ABTB2: variants seen among roughly 807,000 people sequenced by gnomAD.
The protein encoded by ABTB2 is ankyrin repeat and BTB/POZ domain-containing protein 2.
ABTB2 carries 56 observed loss-of-function variants against 104.1 expected under a neutral mutation model. That is an observed-to-expected ratio of 0.54 (90% CI 0.43 to 0.67). The LOEUF (loss-of-function observed/expected upper bound fraction) is 0.67, where lower values mean the gene tolerates loss of function less well. Among genes scored for constraint, ABTB2 ranks in the 30% least tolerant of loss-of-function variants. ABTB2 has a pLI of 0.00. For synonymous variants in ABTB2, 606 were observed against 608.2 expected, an observed-to-expected ratio of 1.00 and a Z score of 0.05; for missense variants, 1,279 against 1,407.7, an observed-to-expected ratio of 0.91 and a Z score of 1.46.
At chr11:34,346,380 C>T (rs1855332422) in intron 1 of ABTB2, among the ~76,000 whole-genome samples, 2 of 152,160 alleles carry the variant, frequency 1.3e-5, no homozygotes, top group Non-Finnish European at 2.9e-5. Context: ...CACCACAGTG[C>T]CGGCCTGCCA....
At chr11:34,173,368 A>C (rs946503104) in intron 3 of ABTB2, 61 bp from the exon 4 acceptor site, 1 of 1,503,634 alleles carries the variant, frequency 6.7e-7, no homozygotes, top group African/African-American at 1.4e-5. Context: ...CAGCAGAGAG[A>C]GGGTCAGGCC....
Position 34,154,891 on chromosome 11 carries a change from G to A in ABTB2, c.2698-122C>T, listed in dbSNP as rs1025489324. 7 of 892,670 alleles carry A rather than the reference G, an allele frequency of 7.8e-6. No homozygotes were observed. In the African/African-American group the frequency reaches 1.2e-4, roughly 15 times the overall value. 55.3% of individuals were successfully genotyped at this position (892,670 alleles called of 1,614,324 possible). ...GGGCCTGTCCCTCTGCAGGTCCCCA[G>A]CTCTGTCTCTCCCTCCCTCTCCTGC... On this transcript the variant is annotated intron_variant, in intron 14 of 16. Transcript: ENST00000435224. This position sits in a 1 kb window ranked among gnomAD's most constrained non-coding sequence, Gnocchi z 4.9.
In ABTB2 at chr11:34,170,919, G is replaced by T; in HGVS notation, c.1550C>A (p.Thr517Asn). 1 of 1,614,092 alleles carries T rather than the reference G, an allele frequency of 6.2e-7. No individual in the cohort carries two copies. Among genetic ancestry groups the T allele is most frequent in the Non-Finnish European group, 8.5e-7 (1 of 1,179,998 alleles). ...IEALGPDGVN[T>N]MDDQGMTPLM... ...CTCAGGACGTACCTGGTCATCCATGGTGTTAACCCCATCCGGACCCAAGGC... is the reference window on the plus strand; with the variant it reads ...CTCAGGACGTACCTGGTCATCCATGTTGTTAACCCCATCCGGACCCAAGGC... Residue 517 changes from threonine (T) to asparagine (N), a missense_variant, in exon 5 of 17, where the codon ACC (threonine) becomes AAC (asparagine). Coordinates refer to ENST00000435224, the MANE Select transcript of ABTB2 (RefSeq NM_145804.3).
At chr11:34,316,825 G>A (rs1394596883) in intron 1 of ABTB2, among the ~76,000 whole-genome samples, 1 of 152,220 alleles carries the variant, frequency 6.6e-6, no homozygotes, top group African/African-American at 2.4e-5. Context: ...CAAAGGACCT[G>A]TGTGTGACCA....
At chr11:34,220,641 C>T (rs1853609137) in intron 1 of ABTB2, among the ~76,000 whole-genome samples, 1 of 152,180 alleles carries the variant, frequency 6.6e-6, no homozygotes, top group South Asian at 2.1e-4. Context: ...GCAGAAAGAG[C>T]CTGGCTCTCT....
In ABTB2 at chr11:34,293,566, C is replaced by T. The variant is rs113467325; in HGVS notation, c.883+63135G>A. Among the ~76,000 whole-genome samples the T allele has an allele frequency of 6.3e-3, 961 of 152,216 alleles. 11 individuals are homozygous for T. The highest frequency in any genetic ancestry group is 0.022 in the African/African-American group (929 of 41,522). On this transcript the variant is annotated intron_variant, in intron 1 of 16. Transcript: ENST00000435224. ...AGAATCAAGGGTGTCATGCCCCAGG[C>T]GCCAAGTGCAGGAACTGTTCCGGGA...
chr11:34,156,523 C>CTT (rs397764001), intron 14 of ABTB2, among the ~76,000 whole-genome samples: 13 of 142,400 alleles, frequency 9.1e-5, no homozygotes, highest in African/African-American at 1.3e-4. Context: ...TGCTCAGTAA[C>CTT]TTTTTTTTTT....
chr11:34,194,707 G>A (rs929959977), intron 3 of ABTB2, among the ~76,000 whole-genome samples: 14 of 152,142 alleles, frequency 9.2e-5, no homozygotes, highest in Admixed American at 2.6e-4. Flanking sequence ...CCAGGGCGCC[G>A]TCGGGCTGTT....
chr11:34,210,258 G>C (rs1853465449), intron 1 of ABTB2, among the ~76,000 whole-genome samples: 1 of 152,180 alleles, frequency 6.6e-6, no homozygotes, highest in Admixed American at 6.5e-5. Context: ...CCAGCACTGG[G>C]ATTCTAGACT....
intron 13 of ABTB2, among the ~76,000 whole-genome samples, 186 bp from the exon 14 acceptor site, chr11:34,159,572 G>A (rs1372660933): frequency 6.6e-6 from 1 of 152,198 alleles, no homozygotes; most frequent in Admixed American, 6.5e-5. Flanking sequence ...TCTGAGCTGA[G>A]CCCAATTCTG....
At chr11:34,315,303 G>A (rs1034162901) in intron 1 of ABTB2, among the ~76,000 whole-genome samples, 4 of 152,254 alleles carry the variant, frequency 2.6e-5, no homozygotes, top group Non-Finnish European at 2.9e-5. Flanking sequence ...GAATAAACAC[G>A]CCCAGTTCAG....
At chr11:34,294,634 G>A (rs571898064) in intron 1 of ABTB2, among the ~76,000 whole-genome samples, 7 of 152,162 alleles carry the variant, frequency 4.6e-5, no homozygotes, top group Non-Finnish European at 8.8e-5. Flanking sequence ...CAGCACTTTG[G>A]GAGGCTAAAG....
At chr11:34,254,538 G>A (rs998421699) in intron 1 of ABTB2, among the ~76,000 whole-genome samples, 1 of 152,066 alleles carries the variant, frequency 6.6e-6, no homozygotes. Flanking sequence ...GAGAGCCACC[G>A]TGCTCGGCCA....
chr11:34,208,624 T>C (rs1437432843), intron 1 of ABTB2, among the ~76,000 whole-genome samples: 1 of 152,074 alleles, frequency 6.6e-6, no homozygotes, highest in Non-Finnish European at 1.5e-5. Flanking sequence ...TGCTCAACTT[T>C]TCTCTTTCTG....
intron 3 of ABTB2, among the ~76,000 whole-genome samples, chr11:34,174,562 C>A (rs968276594): frequency 7.2e-5 from 11 of 152,248 alleles, no homozygotes; most frequent in African/African-American, 2.7e-4. Flanking sequence ...AGGCCGCGCC[C>A]GCCCCTGCCC....
intron 1 of ABTB2, among the ~76,000 whole-genome samples, chr11:34,314,459 G>A (rs927249945): frequency 6.6e-6 from 1 of 152,226 alleles, no homozygotes; most frequent in African/African-American, 2.4e-5. Context: ...CATGAAGAAA[G>A]GAATGACTAG....
chr11:34,351,910 G>A (rs1003555058), intron 1 of ABTB2, among the ~76,000 whole-genome samples: 1 of 151,226 alleles, frequency 6.6e-6, no homozygotes, highest in Non-Finnish European at 1.5e-5. Flanking sequence ...TTAAGGCTAG[G>A]GTTGCCTTTC....
chr11:34,154,199 C>T lies in ABTB2; in HGVS notation c.2880+66G>A, dbSNP rs1047921158. 156 of 1,298,160 alleles carry T rather than the reference C, an allele frequency of 1.2e-4. No individual in the cohort carries two copies. In the East Asian group the frequency reaches 3.2e-3, roughly 27 times the overall value. The allele number at this position is 1,298,160 out of a possible 1,614,324, so 80.4% of individuals were successfully genotyped here. A position where few individuals can be genotyped will look rare whatever the true frequency, so the allele number is the denominator to read the frequency against. ...CTAGCTCATCCCCAGTGCAGCCACA[C>T]GGCCGAGGCCCCCGTGGAGCAGAGC... On this transcript the variant is annotated intron_variant, in intron 16 of 16. Coordinates refer to ENST00000435224, the MANE Select transcript of ABTB2 (RefSeq NM_145804.3). This position sits in a 1 kb window ranked among gnomAD's most constrained non-coding sequence, Gnocchi z 4.9.
At chr11:34,335,659 A>T in intron 1 of ABTB2, 1 of 1,424,906 alleles carries the variant, frequency 7.0e-7, no homozygotes, top group African/African-American at 1.4e-5. Flanking sequence ...ATATTGTGTC[A>T]TCACAAACTT....
Sources: gnomAD v4.1 joint callset for allele counts (sites outside exome capture counted in the v4.1 genomes callset) on GRCh38, gnomAD v4.1.1 for gene constraint, Gnocchi (gnomAD v3.1) non-coding constraint, MANE v1.5 for transcripts, NCBI Gene and HGNC (gene_info 2026-07-23, HGNC 2026-07-21) for gene names.